Variants in MMP24 observed in about 807,000 individuals in gnomAD.
MMP24 encodes the protein matrix metallopeptidase 24, also known as matrix metalloproteinase-24.
In MMP24, 25 loss-of-function variants were observed where a neutral mutation model predicts 62.8. The ratio of observed to expected loss-of-function variants is 0.40; its 90% CI spans 0.29 to 0.56. The LOEUF (loss-of-function observed/expected upper bound fraction) is 0.56, where lower values mean the gene tolerates loss of function less well. Ranked by LOEUF, MMP24 falls within the 20% of genes least tolerant of loss-of-function variation. The pLI, the probability that MMP24 is intolerant of heterozygous loss-of-function variation, is 0.50. For missense variants in MMP24, 634 were observed against 853.6 expected, an observed-to-expected ratio of 0.74 and a Z score of 3.21; for synonymous variants, 319 against 350.5, an observed-to-expected ratio of 0.91 and a Z score of 1.00.
At chr20:35,258,630 A>G (rs374173131) in intron 4 of MMP24, among the ~76,000 whole-genome samples, 2 of 152,058 alleles carry the variant, frequency 1.3e-5, no homozygotes, top group East Asian at 3.8e-4. Context: ...TTCAAGTTCA[A>G]TTTTTTTGGC....
At chr20:35,244,923 G>A (rs886769925) in intron 1 of MMP24, among the ~76,000 whole-genome samples, 1 of 151,856 alleles carries the variant, frequency 6.6e-6, no homozygotes, top group Non-Finnish European at 1.5e-5. Context: ...ATAACCAAAG[G>A]ATACTCAGTC....
At chr20:35,242,132 G>C (rs2060491129) in intron 1 of MMP24, among the ~76,000 whole-genome samples, 1 of 152,162 alleles carries the variant, frequency 6.6e-6, no homozygotes, top group African/African-American at 2.4e-5. Context: ...AGGAGTTCAA[G>C]ACCAGCCTGG....
chr20:35,228,747 C>T (rs919433648), intron 1 of MMP24, among the ~76,000 whole-genome samples: 1 of 152,148 alleles, frequency 6.6e-6, no homozygotes, highest in African/African-American at 2.4e-5. Flanking sequence ...ACCTCTTAGC[C>T]TTTGTCTTTT....
chr20:35,237,231 G>T (rs1368421459), intron 1 of MMP24, among the ~76,000 whole-genome samples: 2 of 152,188 alleles, frequency 1.3e-5, no homozygotes, highest in Non-Finnish European at 2.9e-5. Context: ...TCCAAAATGG[G>T]TCTTGCTGGA....
chr20:35,230,965 C>T (rs183891682), intron 1 of MMP24, among the ~76,000 whole-genome samples: 8 of 152,282 alleles, frequency 5.3e-5, no homozygotes, highest in African/African-American at 1.9e-4. Context: ...CAACCCCCGA[C>T]CCCTTGAAGC....
At chr20:35,227,109 G>T (rs2060417371) in intron 1 of MMP24, 125 bp downstream of exon 1, 1 of 817,380 alleles carries the variant, frequency 1.2e-6, no homozygotes, top group Non-Finnish European at 1.5e-6. Flanking sequence ...GCGCGCCGGG[G>T]GTCCGCGCCT....
At chr20:35,232,645 T>C (rs2060443127) in intron 1 of MMP24, among the ~76,000 whole-genome samples, 1 of 152,008 alleles carries the variant, frequency 6.6e-6, no homozygotes, top group Non-Finnish European at 1.5e-5. Context: ...CCAGGCAGAA[T>C]AAAAAATATG....
intron 1 of MMP24, 32 bp from the exon 2 acceptor site, chr20:35,246,808 T>A: frequency 1.2e-6 from 2 of 1,612,054 alleles, no homozygotes; most frequent in Non-Finnish European, 1.7e-6. Context: ...TTTCCCAGCA[T>A]AACGCATCTT....
chr20:35,260,526 C>A (rs957782029), intron 4 of MMP24, among the ~76,000 whole-genome samples: 7 of 152,216 alleles, frequency 4.6e-5, no homozygotes, highest in Non-Finnish European at 1.0e-4. Flanking sequence ...ATAGAATAGC[C>A]CAGGAGCACA....
chr20:35,239,682 C>G (rs1391016709), intron 1 of MMP24, among the ~76,000 whole-genome samples: 1 of 152,164 alleles, frequency 6.6e-6, no homozygotes, highest in African/African-American at 2.4e-5. Context: ...GAAAAATTAG[C>G]CAGGCGTGGT....
intron 4 of MMP24, chr20:35,263,157 T>G (rs1220301571): frequency 6.6e-6 from 1 of 151,852 alleles, no homozygotes; most frequent in Non-Finnish European, 1.5e-5. Context: ...CCTCTAATCC[T>G]CCCTCAACTG....
chr20:35,272,486 C>T (rs952167236), intron 8 of MMP24, among the ~76,000 whole-genome samples: 2 of 152,212 alleles, frequency 1.3e-5, no homozygotes, highest in African/African-American at 4.8e-5. Context: ...AATCCTCCCA[C>T]CTCAGCCTCC....
chr20:35,230,582 C>G (rs866727239), intron 1 of MMP24, among the ~76,000 whole-genome samples: 10 of 152,316 alleles, frequency 6.6e-5, no homozygotes, highest in African/African-American at 2.4e-4. Flanking sequence ...CGGTAGAAAT[C>G]AAGCCTATTC....
chr20:35,251,317 G>C (rs2060545416), intron 2 of MMP24, among the ~76,000 whole-genome samples: 1 of 151,888 alleles, frequency 6.6e-6, no homozygotes, highest in African/African-American at 2.4e-5. Flanking sequence ...TACAGATGGG[G>C]TTTCACCGTG....
At chr20:35,233,960 G>A (rs1879656505) in intron 1 of MMP24, among the ~76,000 whole-genome samples, 1 of 152,146 alleles carries the variant, frequency 6.6e-6, no homozygotes, top group African/African-American at 2.4e-5. Flanking sequence ...ACTCAAGCCT[G>A]GGCCACAGCG....
intron 7 of MMP24, among the ~76,000 whole-genome samples, chr20:35,270,728 T>C (rs905273400): frequency 8.6e-5 from 13 of 151,432 alleles, no homozygotes; most frequent in African/African-American, 2.9e-4. Flanking sequence ...GCCAGGAGAG[T>C]CAGAGGGCCT....
At chr20:35,252,834 G>A (rs2060554390) in intron 3 of MMP24, among the ~76,000 whole-genome samples, 1 of 150,258 alleles carries the variant, frequency 6.7e-6, no homozygotes, top group Admixed American at 6.6e-5. Context: ...GGTGGGGCTG[G>A]GGCAAGGGCC....
rs975973478 is a variant in MMP24, at chr20:35,269,086, T to C, written c.1195-674T>C. ...AGGCTACAGGCCTTGCCTAGACTGC[T>C]TGTGTACCAGCCCAAGACTGAGGCA... On this transcript the variant is annotated intron_variant, in intron 6 of 8. Transcript: ENST00000246186. This position sits in a 1 kb window ranked among gnomAD's most constrained non-coding sequence, Gnocchi z 4.6. Among the ~76,000 whole-genome samples, 4 of 151,900 alleles carry C rather than the reference T, an allele frequency of 2.6e-5. No homozygotes were observed. The highest frequency in any genetic ancestry group is 9.7e-5 in the African/African-American group (4 of 41,352).
At chr20:35,273,725 C>T (rs752633119) in intron 8 of MMP24, among the ~76,000 whole-genome samples, 2 of 152,178 alleles carry the variant, frequency 1.3e-5, no homozygotes, top group Non-Finnish European at 2.9e-5. Flanking sequence ...GGGGTGGTTG[C>T]CCAGGGAGTG....
Sources: allele counts gnomAD v4.1 joint callset (sites outside exome capture counted in the v4.1 genomes callset), GRCh38; gene constraint gnomAD v4.1.1; non-coding constraint Gnocchi (gnomAD v3.1); transcripts MANE v1.5; gene names NCBI Gene and HGNC (gene_info 2026-07-23, HGNC 2026-07-21).